Variants in RNF32 observed in about 807,000 individuals in gnomAD.
RNF32 encodes ring finger protein 32.
A neutral mutation model predicts 41.0 loss-of-function variants in RNF32; 36 were observed. The observed-to-expected ratio is 0.88, with a 90% CI of 0.67 to 1.16. The LOEUF is 1.16. Among genes scored for constraint, RNF32 ranks in the 50% most tolerant of loss-of-function variants. The pLI is 0.00. For missense variants in RNF32, 413 were observed against 436.7 expected, an observed-to-expected ratio of 0.95 and a Z score of 0.48; for synonymous variants, 154 against 160.9, an observed-to-expected ratio of 0.96 and a Z score of 0.32.
chr7:156,641,634 G>T (rs1797335638), intron 1 of RNF32, among the ~76,000 whole-genome samples: 1 of 152,176 alleles, frequency 6.6e-6, no homozygotes, highest in Non-Finnish European at 1.5e-5. Flanking sequence ...GGTTTTAAAA[G>T]CTCTTACCTT....
At chr7:156,652,189 G>C (rs1798834774) in intron 3 of RNF32, among the ~76,000 whole-genome samples, 1 of 152,184 alleles carries the variant, frequency 6.6e-6, no homozygotes, top group Non-Finnish European at 1.5e-5. Flanking sequence ...TGAAGGAATT[G>C]TCTTCTCCTG....
intron 3 of RNF32, among the ~76,000 whole-genome samples, chr7:156,647,140 C>T (rs533366183): frequency 6.6e-6 from 1 of 152,234 alleles, no homozygotes; most frequent in South Asian, 2.1e-4. Context: ...GCGTGAGTCA[C>T]CATGCCTGGC....
At chr7:156,657,101 T>C (rs1282631934) in intron 4 of RNF32, among the ~76,000 whole-genome samples, 2 of 152,232 alleles carry the variant, frequency 1.3e-5, no homozygotes, top group African/African-American at 4.8e-5. Flanking sequence ...GTCAGAATTA[T>C]ATCTCAGTAG....
rs147531041 is a variant in RNF32, at chr7:156,673,528, G to T, written c.685-2168G>T. ...TGCTTGGCAATTATAATTACATTCA[G>T]AGTGAAAGAGAATTTGACTCATAAA... On this transcript the variant is annotated intron_variant, in intron 7 of 8. Coordinates refer to ENST00000317955, the MANE Select transcript of RNF32 (RefSeq NM_030936.4). Among the ~76,000 whole-genome samples the T allele has an allele frequency of 4.2e-3, 634 of 152,256 alleles. 6 individuals carry two copies. Among genetic ancestry groups the T allele is most frequent in the Non-Finnish European group, 7.0e-3 (474 of 68,014 alleles).
chr7:156,674,332 C>G (rs561451969), intron 7 of RNF32, among the ~76,000 whole-genome samples: 7 of 152,242 alleles, frequency 4.6e-5, no homozygotes, highest in Non-Finnish European at 8.8e-5. Flanking sequence ...CGTGGCCCCA[C>G]CTGGGCATGG....
intron 8 of RNF32, 23 bp downstream of exon 8, chr7:156,675,886 C>T: frequency 6.2e-7 from 1 of 1,605,866 alleles, no homozygotes; most frequent in South Asian, 1.1e-5. Flanking sequence ...GGCAGCCTGG[C>T]AACCAGCAGA....
chr7:156,668,665 C>T (rs1801772618), intron 7 of RNF32, among the ~76,000 whole-genome samples: 3 of 152,236 alleles, frequency 2.0e-5, no homozygotes, highest in Admixed American at 1.3e-4. Flanking sequence ...GAGTCCAGTG[C>T]CACAGCAGCA....
At chr7:156,661,175 T>A (rs1341436438) in intron 7 of RNF32, among the ~76,000 whole-genome samples, 1 of 150,592 alleles carries the variant, frequency 6.6e-6, no homozygotes, top group Non-Finnish European at 1.5e-5. Context: ...AAAGGAATAC[T>A]GGTCACTTCA....
rs765630566 is a variant in RNF32 at position 156,654,692 on chromosome 7, AAAG to A, written c.397_399del (p.Glu133del). ...CTCCGTGCAACCATGCCCCATCTGTAAAGAAGAATTCGAGCTTCGTCCTCAGGT... is the reference window on the plus strand; with the variant it reads ...CTCCGTGCAACCATGCCCCATCTGTAAAGAATTCGAGCTTCGTCCTCAGGT... On this transcript the variant is annotated inframe_deletion, in exon 4 of 9. Transcript: ENST00000317955. 28 of 1,613,994 alleles carry A rather than the reference AAAG, an allele frequency of 1.7e-5. No individual in the cohort carries two copies. The highest frequency in any genetic ancestry group is 8.9e-5 in the East Asian group (4 of 44,894).
chr7:156,657,869 G>A (rs1173427104), intron 5 of RNF32, among the ~76,000 whole-genome samples: 1 of 152,166 alleles, frequency 6.6e-6, no homozygotes, highest in African/African-American at 2.4e-5. Flanking sequence ...ACACACGCGT[G>A]ACTCACCTTT....
chr7:156,660,533 G>A (rs1043513655), intron 7 of RNF32, among the ~76,000 whole-genome samples: 18 of 152,108 alleles, frequency 1.2e-4, no homozygotes, highest in African/African-American at 4.3e-4. Context: ...TTTTTATTTA[G>A]AGACAGGGTT....
intron 3 of RNF32, chr7:156,646,593 C>A (rs899946468): frequency 2.1e-6 from 2 of 963,904 alleles, no homozygotes; most frequent in Non-Finnish European, 2.8e-6. Flanking sequence ...CACAATTCAA[C>A]CCAGTACATC....
intron 7 of RNF32, among the ~76,000 whole-genome samples, chr7:156,661,258 G>GT (rs1367828432): frequency 2.0e-5 from 3 of 151,990 alleles, no homozygotes; most frequent in Non-Finnish European, 2.9e-5. Flanking sequence ...AAATTCCATT[G>GT]TTAAGGTTTT....
chr7:156,649,465 C>A (rs1396604465), intron 3 of RNF32, among the ~76,000 whole-genome samples: 1 of 151,962 alleles, frequency 6.6e-6, no homozygotes, highest in Non-Finnish European at 1.5e-5. Context: ...GTAGTAATAC[C>A]TAGCATTTCT....
intron 7 of RNF32, among the ~76,000 whole-genome samples, chr7:156,661,289 GA>G (rs1439208565): frequency 2.0e-5 from 3 of 151,806 alleles, no homozygotes; most frequent in Admixed American, 6.6e-5. Context: ...CCTTGGCCAA[GA>G]GGGGGTTCGT....
intron 7 of RNF32, among the ~76,000 whole-genome samples, chr7:156,671,221 T>C (rs1802422993): frequency 6.6e-6 from 1 of 152,176 alleles, no homozygotes; most frequent in Non-Finnish European, 1.5e-5. Context: ...CAGAGCAGGA[T>C]GGGTGCACCG....
intron 7 of RNF32, 96 bp from the exon 8 acceptor site, chr7:156,675,600 G>T: frequency 1.0e-6 from 1 of 964,508 alleles, no homozygotes; most frequent in South Asian, 1.4e-5. Context: ...CAGAGACGAG[G>T]AAGGTTACCA....
intron 3 of RNF32, among the ~76,000 whole-genome samples, chr7:156,652,517 G>A (rs1195865724): frequency 6.6e-6 from 1 of 151,982 alleles, no homozygotes; most frequent in Non-Finnish European, 1.5e-5. Context: ...GTTTTTCTGT[G>A]AGATTACAGT....
At chr7:156,667,366 T>C (rs141585516) in intron 7 of RNF32, among the ~76,000 whole-genome samples, 81 of 152,368 alleles carry the variant, frequency 5.3e-4, no homozygotes, top group African/African-American at 1.8e-3. Flanking sequence ...AGCCAGCTTG[T>C]TACTTGTAAA....
Sources: gnomAD v4.1 joint callset for allele counts (sites outside exome capture counted in the v4.1 genomes callset) on GRCh38, gnomAD v4.1.1 for gene constraint, MANE v1.5 for transcripts, NCBI Gene and HGNC (gene_info 2026-07-23, HGNC 2026-07-21) for gene names.